MBTPS2: variants seen among roughly 807,000 people sequenced by gnomAD.
MBTPS2 encodes membrane-bound transcription factor site-2 protease.
MBTPS2 carries 2 observed loss-of-function variants against 35.4 expected under a neutral mutation model. That is an observed-to-expected ratio of 0.06 (90% CI 0.02 to 0.18). The LOEUF is 0.18. Ranked by LOEUF, MBTPS2 falls within the 10% of genes least tolerant of loss-of-function variation. The pLI is 1.00. For missense variants in MBTPS2, 244 were observed against 386.5 expected, an observed-to-expected ratio of 0.63 and a Z score of 3.09; for synonymous variants, 125 against 140.4, an observed-to-expected ratio of 0.89 and a Z score of 0.77.
chrX:21,866,902 G>A (rs1398493324), intron 5 of MBTPS2, among the ~76,000 whole-genome samples: 3 of 109,035 alleles, frequency 2.8e-5, no homozygotes, highest in South Asian at 4.0e-4. Context: ...GGTGGTGGGC[G>A]CCTGTAATCC....
intron 2 of MBTPS2, among the ~76,000 whole-genome samples, chrX:21,844,278 C>T (rs963963856): frequency 2.1e-4 from 23 of 110,327 alleles, no homozygotes; most frequent in African/African-American, 7.2e-4. Context: ...TTTAGGAGGC[C>T]GAGATGGGCG....
intron 5 of MBTPS2, among the ~76,000 whole-genome samples, chrX:21,862,877 AATATATATACACAT>A: frequency 1.2e-5 from 1 of 85,689 alleles, no homozygotes; most frequent in Non-Finnish European, 2.3e-5. Context: ...AACATATATA[AATATATATACACAT>A]ATATATAAAC....
At chrX:21,865,510 C>T (rs1281662947) in intron 5 of MBTPS2, among the ~76,000 whole-genome samples, 1 of 112,022 alleles carries the variant, frequency 8.9e-6, no homozygotes, top group Non-Finnish European at 1.9e-5. Context: ...GTTTTTAAAT[C>T]CTTCTTAAAT....
At chrX:21,862,591 C>A (rs756750079) in intron 5 of MBTPS2, among the ~76,000 whole-genome samples, 1 of 107,532 alleles carries the variant, frequency 9.3e-6, no homozygotes, top group Non-Finnish European at 1.9e-5. Context: ...GGGCGGATCA[C>A]GAGGTCAGGA....
rs143389325 is a variant in MBTPS2, at chrX:21,857,058, G to A, written c.670+3555G>A. The A allele has an allele frequency of 1.3e-4, 161 of 1,209,954 alleles. No homozygotes were observed. The highest frequency in any genetic ancestry group is 1.8e-4 in the Non-Finnish European group (157 of 895,272). On this transcript the variant is annotated intron_variant, in intron 5 of 10. Coordinates refer to ENST00000379484, the MANE Select transcript of MBTPS2 (RefSeq NM_015884.4). ...TTCCGTGACTATGTGGTCCCCTAAC[G>A]ATAACAATGACCAAGGGGCAGTGGG... is the stretch of plus-strand genomic sequence containing the variant.
intron 5 of MBTPS2, among the ~76,000 whole-genome samples, chrX:21,862,681 G>C (rs1245323235): frequency 1.9e-5 from 2 of 104,774 alleles, no homozygotes; most frequent in South Asian, 4.4e-4. Context: ...CGTGGTGGGG[G>C]GCGCCTGTAG....
chrX:21,875,938 A>G (rs2092952577), intron 7 of MBTPS2, among the ~76,000 whole-genome samples: 1 of 111,823 alleles, frequency 8.9e-6, no homozygotes, highest in African/African-American at 3.3e-5. Context: ...ACTGCCAGTA[A>G]TTCAGTTTAG....
chrX:21,844,537 A>C (rs181626727), intron 2 of MBTPS2, among the ~76,000 whole-genome samples: 383 of 111,968 alleles, frequency 3.4e-3, no homozygotes, highest in African/African-American at 0.012. Flanking sequence ...GGAATTGAAA[A>C]GAGGACATTA....
chrX:21,845,095 T>C, intron 2 of MBTPS2, 76 bp from the exon 3 acceptor site: 1 of 1,207,752 alleles, frequency 8.3e-7, no homozygotes, highest in Non-Finnish European at 1.1e-6. Flanking sequence ...CTATGAAATG[T>C]GGCTGCTTAG....
intron 5 of MBTPS2, chrX:21,856,792 A>C (rs2092923384): frequency 8.3e-7 from 1 of 1,211,519 alleles, no homozygotes; most frequent in Non-Finnish European, 1.1e-6. Context: ...GACTTGGAGG[A>C]CCAGTTGGCC....
At position 21,840,692 on chromosome X, in the gene MBTPS2, C is replaced by T. The variant is rs764563924; in HGVS notation, c.75+883C>T. Among the ~76,000 whole-genome samples, 6 of 112,366 alleles carry T rather than the reference C, an allele frequency of 5.3e-5. No individual in the cohort carries two copies. The South Asian group carries it at 2.2e-3, about 41-fold the overall frequency. ...AAATTCCAGTTATGGATAGCAAAAT[C>T]TTCATGTTATGAATACCATTTAAAA... On this transcript the variant is annotated intron_variant, in intron 1 of 10. Coordinates refer to ENST00000379484, the MANE Select transcript of MBTPS2 (RefSeq NM_015884.4).
intron 5 of MBTPS2, chrX:21,857,696 A>G: frequency 1.1e-6 from 1 of 940,582 alleles, no homozygotes; most frequent in Middle Eastern, 3.3e-4. Context: ...GTTGTTTCTA[A>G]GAGTTTTAAA....
Position 21,862,929 on chromosome X carries a change from TAAAC to T in MBTPS2, c.671-5536_671-5533del, listed in dbSNP as rs1279368979. Among the ~76,000 whole-genome samples the T allele has an allele frequency of 2.2e-3, 65 of 29,800 alleles. 1 individual carries two copies. The highest frequency in any genetic ancestry group is 9.7e-3 in the East Asian group (5 of 517). 25.9% of individuals were successfully genotyped at this position (29,800 alleles called of 115,157 possible). ...ATATAAATATATAAACATATATATA[TAAAC>T]ATATATATATATATATATATATATA... On this transcript the variant is annotated intron_variant, in intron 5 of 10. Transcript: ENST00000379484.
intron 3 of MBTPS2, among the ~76,000 whole-genome samples, chrX:21,849,719 G>A (rs2092912464): frequency 9.2e-6 from 1 of 109,269 alleles, no homozygotes; most frequent in Non-Finnish European, 1.9e-5. Flanking sequence ...AGGTCATTTA[G>A]CTAGTTAAGA....
chrX:21,844,211 T>C (rs936204540), intron 2 of MBTPS2, among the ~76,000 whole-genome samples: 1 of 110,597 alleles, frequency 9.0e-6, no homozygotes. Context: ...GAAACGTAAG[T>C]AATTAAAAAT....
intron 5 of MBTPS2, among the ~76,000 whole-genome samples, chrX:21,867,030 AAG>A (rs1166832108): frequency 4.7e-5 from 3 of 63,632 alleles, no homozygotes; most frequent in Non-Finnish European, 2.8e-5. Flanking sequence ...AAAAAAAAAA[AAG>A]AAAAAAAGAA....
intron 5 of MBTPS2, chrX:21,856,426 C>T (rs1376652795): frequency 1.7e-6 from 2 of 1,147,757 alleles, no homozygotes; most frequent in Non-Finnish European, 1.2e-6. Context: ...ACCTCACTCC[C>T]CTCAGCGTTC....
intron 5 of MBTPS2, chrX:21,857,994 A>G (rs5951642): frequency 0.44 from 58,316 of 132,947 alleles, 9,508 homozygotes; most frequent in East Asian, 0.59. Flanking sequence ...TAAAAAATTC[A>G]AAGTGTTCAT....
At chrX:21,873,099 T>G (rs947560438) in intron 7 of MBTPS2, 1 of 111,813 alleles carries the variant, frequency 8.9e-6, no homozygotes, top group African/African-American at 3.2e-5. Flanking sequence ...ACCCTGGAAG[T>G]GCTTGTAAAC....
Sources: allele counts gnomAD v4.1 joint callset (sites outside exome capture counted in the v4.1 genomes callset), GRCh38; gene constraint gnomAD v4.1.1; transcripts MANE v1.5; gene names NCBI Gene and HGNC (gene_info 2026-07-23, HGNC 2026-07-21).